HPS1: variants seen among roughly 807,000 people sequenced by gnomAD.
The protein encoded by HPS1 is HPS1 biogenesis of lysosomal organelles complex 3 subunit 1.
A neutral mutation model predicts 90.6 loss-of-function variants in HPS1; 59 were observed. The ratio of observed to expected loss-of-function variants is 0.65; its 90% CI spans 0.53 to 0.81. The LOEUF (loss-of-function observed/expected upper bound fraction) is 0.81, where lower values mean the gene tolerates loss of function less well. Ranked by LOEUF, HPS1 falls within the 30% of genes least tolerant of loss-of-function variation. The pLI is 0.00. For synonymous variants in HPS1, 388 were observed against 384.4 expected (o/e 1.01, Z -0.11); for missense variants, 849 against 896.7 (o/e 0.95, Z 0.68).
chr10:98,444,019 A>G (rs1288248072), intron 2 of HPS1, among the ~76,000 whole-genome samples: 1 of 150,876 alleles, frequency 6.6e-6, no homozygotes, highest in African/African-American at 2.4e-5. Context: ...CCTGGGTGAC[A>G]GAGCGAGACT....
At chr10:98,443,274 C>G in intron 2 of HPS1, 34 bp from the exon 3 acceptor site, 1 of 1,487,090 alleles carries the variant, frequency 6.7e-7, no homozygotes, top group Admixed American at 1.7e-5. Flanking sequence ...GGTCAGCCTC[C>G]AGCCCCAACA....
At chr10:98,418,453 GCT>G (rs1844409572) in intron 18 of HPS1, among the ~76,000 whole-genome samples, 196 bp from the exon 19 acceptor site, 1 of 152,194 alleles carries the variant, frequency 6.6e-6, no homozygotes, top group Non-Finnish European at 1.5e-5. Context: ...AGTATACAAA[GCT>G]TCAAGGGCCG....
Position 98,430,592 on chromosome 10 carries a change from G to A in HPS1, c.747C>T (p.Ser249=), listed in dbSNP as rs1846298833. The part of the protein sequence containing the change: ...LLVQDLYPSE[S]TAEDDIQPSP... ...AGACCTGAATGTCGTCCTCTGCTGT[G>A]CTCTCGCTGGGGTAGAGGTCCTGAA... Residue 249 remains serine (S), a synonymous_variant, in exon 8 of 20, where the codon AGC becomes AGT. Transcript: ENST00000361490. 6.4e-7 allele frequency: 1 copy of A among 1,554,384 alleles called. No individual in the cohort carries two copies. The highest frequency in any genetic ancestry group is 8.7e-7 in the Non-Finnish European group (1 of 1,148,158).
At position 98,435,361 on chromosome 10, in the gene HPS1, C is replaced by T. The variant is rs2136251682; in HGVS notation, c.309G>A (p.Gly103=). Residue 103 remains glycine (G), a synonymous_variant, in exon 5 of 20, where the codon GGG becomes GGA. Transcript: ENST00000361490. The surrounding 1 kb of genome is among the most constrained non-coding windows in gnomAD (Gnocchi z 4.3). The part of the protein sequence containing the change: ...AINGDHTESE[G]DLRRKLYVLK... ...GCACATACAGCTTCCGCCGCAGGTC[C>T]CCCTCGCTCTCGGTGTGGTCACCAT... 1.2e-6 allele frequency: 2 copies of T among 1,614,058 alleles called. No individual in the cohort carries two copies. Among genetic ancestry groups the T allele is most frequent in the East Asian group, 2.2e-5 (1 of 44,864 alleles).
intron 17 of HPS1, among the ~76,000 whole-genome samples, chr10:98,420,831 C>G (rs1364017106): frequency 6.6e-6 from 1 of 152,194 alleles, no homozygotes; most frequent in Non-Finnish European, 1.5e-5. Context: ...CCTGAATCCC[C>G]TCCTCTGCCT....
rs1939695793 is a variant in HPS1 at position 98,446,825 on chromosome 10, G to GA, written c.-125dup. ...ACCCTACCTCACTTCCGGGAGGGTT[G>GA]AAGGGGGGCTCCGGAGGGAGGATCG... is the stretch of plus-strand genomic sequence containing the variant. On this transcript the variant is annotated 5_prime_UTR_variant, in exon 1 of 20. Transcript: ENST00000361490. The GA allele has an allele frequency of 6.6e-6, 1 of 152,270 alleles. No individual in the cohort carries two copies. The highest frequency in any genetic ancestry group is 2.4e-5 in the African/African-American group (1 of 41,454). 9.4% of individuals were successfully genotyped at this position (152,270 alleles called of 1,614,324 possible).
chr10:98,420,081 G>C lies in HPS1; in HGVS notation c.1821C>G (p.Phe607Leu). 1 of 1,614,004 alleles carries C rather than the reference G, an allele frequency of 6.2e-7. No homozygotes were observed. Among genetic ancestry groups the C allele is most frequent in the Non-Finnish European group, 8.5e-7 (1 of 1,179,844 alleles). Reference protein sequence around the residue: ...YTTLLFQEGDFYCSYFLWFEN... With the variant: ...YTTLLFQEGDLYCSYFLWFEN... ...CGAACCACAGGAAGTAGGAGCAGTA[G>C]AAATCCCCCTCCTGGAACAGCAGCG... Residue 607 changes from phenylalanine (F) to leucine (L), a missense_variant, in exon 18 of 20, where the codon TTC becomes TTG. By Grantham distance (22) the Phe-to-Leu change is conservative. Transcript: ENST00000361490.
At chr10:98,429,214 T>C (rs1222173224) in intron 10 of HPS1, 14 of 1,046,036 alleles carry the variant, frequency 1.3e-5, no homozygotes, top group Non-Finnish European at 1.7e-5. Context: ...AAACTACAGA[T>C]GCTGAATATA....
downstream of HPS1, among the ~76,000 whole-genome samples, chr10:98,415,652 C>G (rs1486005803): frequency 6.6e-6 from 1 of 152,234 alleles, no homozygotes; most frequent in Non-Finnish European, 1.5e-5. Context: ...TGCCTCTACG[C>G]CCACAGGAGG....
At chr10:98,416,071 G>A (rs1435905473), downstream of HPS1, 2 of 152,410 alleles carry the variant, frequency 1.3e-5, no homozygotes, top group East Asian at 1.9e-4. Context: ...GCAGTGTGAC[G>A]GAAACCTGCT....
At position 98,417,868 on chromosome 10, in the gene HPS1, C is replaced by T. The variant is rs1406032490; in HGVS notation, c.1941-142G>A. The T allele has an allele frequency of 1.3e-6, 1 of 762,730 alleles. No individual in the cohort carries two copies. Among genetic ancestry groups the T allele is most frequent in the Non-Finnish European group, 2.2e-6 (1 of 451,922 alleles). 47.2% of individuals were successfully genotyped at this position (762,730 alleles called of 1,614,324 possible). ...CCCTGCATGTGGGCCTTGACAACCG[C>T]TCCGGTTCCTCACTGACCTAACAGT... On this transcript the variant is annotated intron_variant, in intron 19 of 19. Coordinates refer to ENST00000361490, the MANE Select transcript of HPS1 (RefSeq NM_000195.5). This position sits in a 1 kb window ranked among gnomAD's most constrained non-coding sequence, Gnocchi z 4.2.
chr10:98,414,851 CT>C (rs1843939584), downstream of HPS1: 3 of 1,154,312 alleles, frequency 2.6e-6, no homozygotes, highest in Non-Finnish European at 3.5e-6. Flanking sequence ...GATGGAAGGG[CT>C]TTCCATTGCA....
chr10:98,426,205 G>A, intron 11 of HPS1: 1 of 558,634 alleles, frequency 1.8e-6, no homozygotes, highest in Non-Finnish European at 3.2e-6. Flanking sequence ...GTCTGGCCCG[G>A]GTGCCAAGCA....
intron 13 of HPS1, 119 bp downstream of exon 13, chr10:98,425,422 G>A (rs1845470106): frequency 3.2e-6 from 3 of 929,708 alleles, no homozygotes; most frequent in African/African-American, 3.3e-5. Flanking sequence ...AGGCCCGGGG[G>A]AGGTGGAGCC....
intron 16 of HPS1, among the ~76,000 whole-genome samples, chr10:98,423,279 A>ACCGCC (rs1554887467): frequency 7.7e-4 from 102 of 132,124 alleles, no homozygotes; most frequent in African/African-American, 2.8e-3. Context: ...GACCACAGGA[A>ACCGCC]CCCCCCCCCC....
rs947639883 is a variant in HPS1, at chr10:98,431,054, G to C, written c.668+77C>G. On this transcript the variant is annotated intron_variant, in intron 7 of 19. Coordinates refer to ENST00000361490, the MANE Select transcript of HPS1 (RefSeq NM_000195.5). ...GGTGATTCTTGGCTGGGCAGGTGGT[G>C]CTTTTCAGGCAGAGGCCATAGGGGA... 10 of 1,481,750 alleles carry C rather than the reference G, an allele frequency of 6.7e-6. No individual in the cohort carries two copies. In the Admixed American group the frequency reaches 1.6e-4, roughly 24 times the overall value. 91.8% of individuals were successfully genotyped at this position (1,481,750 alleles called of 1,614,324 possible).
rs571709740 is a variant in HPS1 at position 98,427,670 on chromosome 10, A to C, written c.938-406T>G. 2.7e-5 allele frequency among the ~76,000 whole-genome samples: 4 copies of C among 149,242 alleles called. 1 individual carries two copies. Among genetic ancestry groups the C allele is most frequent in the African/African-American group, 7.5e-5 (3 of 40,184 alleles). ...CCTCAGGAGTCAGCACACACAGTCC[A>C]CGTTTGCCCATTCATTTATTCAACC... On this transcript the variant is annotated intron_variant, in intron 10 of 19. Transcript: ENST00000361490.
In HPS1 at chr10:98,423,756, A is replaced by T; in HGVS notation, c.1529T>A (p.Met510Lys). ...CAGGGGGCCGCACTGCACTTACCGC[A>T]TGAGCCTCTGCACTTGGTCCTGCAG... The part of the protein sequence containing the change: ...QHLQDQVQRL[M>K]REKLTDWKDF... Residue 510 changes from methionine (M) to lysine (K), a missense_variant, in exon 15 of 20, where the codon ATG (methionine) becomes AAG (lysine). Transcript: ENST00000361490. 1 of 1,614,122 alleles carries T rather than the reference A, an allele frequency of 6.2e-7. No individual in the cohort carries two copies. The highest frequency in any genetic ancestry group is 2.2e-5 in the East Asian group (1 of 44,880).
chr10:98,420,252 G>A, intron 17 of HPS1, 94 bp from the exon 18 acceptor site: 1 of 892,072 alleles, frequency 1.1e-6, no homozygotes, highest in South Asian at 1.3e-5. Flanking sequence ...CAGCCGAGAA[G>A]CTCCGTGAGT....
Sources: gnomAD v4.1 joint callset for allele counts (sites outside exome capture counted in the v4.1 genomes callset) on GRCh38, gnomAD v4.1.1 for gene constraint, Gnocchi (gnomAD v3.1) non-coding constraint, MANE v1.5 for transcripts, NCBI Gene and HGNC (gene_info 2026-07-23, HGNC 2026-07-21) for gene names.